Variants in CTNNA3 observed in about 807,000 individuals in gnomAD.
CTNNA3 encodes the protein catenin alpha-3.
Under a neutral mutation model 95.7 loss-of-function variants are expected in CTNNA3, and 76 were observed. The observed-to-expected ratio is 0.79, with a 90% CI of 0.66 to 0.96. The LOEUF (loss-of-function observed/expected upper bound fraction) is 0.96. Ranked by LOEUF, CTNNA3 falls within the 40% of genes least tolerant of loss-of-function variation. The pLI is 0.00. For synonymous variants in CTNNA3, 431 were observed against 374.4 expected (o/e 1.15, Z -1.74); for missense variants, 1,191 against 1,089.8 (o/e 1.09, Z -1.31).
intron 17 of CTNNA3, among the ~76,000 whole-genome samples, chr10:65,962,738 G>T (rs2077874882): frequency 1.3e-5 from 2 of 148,362 alleles, no homozygotes; most frequent in African/African-American, 5.0e-5. Flanking sequence ...CCCAGTGAGT[G>T]ATGTTCCCCT....
chr10:66,467,911 T>A (rs935691120), intron 11 of CTNNA3, among the ~76,000 whole-genome samples: 1 of 152,028 alleles, frequency 6.6e-6, no homozygotes, highest in African/African-American at 2.4e-5. Flanking sequence ...TTAGTCTCTG[T>A]TAATGTACAT....
intron 8 of CTNNA3, among the ~76,000 whole-genome samples, chr10:66,775,076 T>C (rs1247921343): frequency 6.6e-6 from 1 of 152,182 alleles, no homozygotes; most frequent in African/African-American, 2.4e-5. Context: ...AAACTTGCTA[T>C]GGGTCAGGCA....
At chr10:67,589,963 C>T (rs895860937) in intron 3 of CTNNA3, among the ~76,000 whole-genome samples, 3 of 152,048 alleles carry the variant, frequency 2.0e-5, no homozygotes, top group South Asian at 2.1e-4. Context: ...TTCTGAAAGA[C>T]AACTCATGAT....
Position 66,364,979 on chromosome 10 carries a change from G to A in CTNNA3, c.1732+14173C>T, listed in dbSNP as rs553820966. On this transcript the variant is annotated intron_variant, in intron 12 of 17. Coordinates refer to ENST00000433211, the MANE Select transcript of CTNNA3 (RefSeq NM_013266.4). ...TAATCAACTCTATTAAGGATCCCTG[G>A]TAAGATGTGCATTGTATTATTCATC... Among the ~76,000 whole-genome samples the A allele has an allele frequency of 1.6e-4, 25 of 152,242 alleles. 1 individual carries two copies. Among genetic ancestry groups the A allele is most frequent in the African/African-American group, 6.0e-4 (25 of 41,540 alleles).
chr10:66,446,592 G>C (rs960938963), intron 11 of CTNNA3, among the ~76,000 whole-genome samples: 7 of 151,968 alleles, frequency 4.6e-5, no homozygotes, highest in Admixed American at 3.9e-4. Context: ...TATCTCAATA[G>C]ATGCAGAAAA....
rs541209576 is a variant in CTNNA3, at chr10:67,240,905, C to T, written c.580-21035G>A. ...ATGTTCATTTCCTGTTCATCTGAAG[C>T]AAATACAATATGTATTACATTTGTC... On this transcript the variant is annotated intron_variant, in intron 5 of 17. Transcript: ENST00000433211. Among the ~76,000 whole-genome samples the T allele has an allele frequency of 1.4e-4, 22 of 152,158 alleles. No individual in the cohort carries two copies. The South Asian group carries it at 4.4e-3, about 30-fold the overall frequency.
At chr10:67,081,986 C>T (rs959013050) in intron 7 of CTNNA3, among the ~76,000 whole-genome samples, 1 of 152,186 alleles carries the variant, frequency 6.6e-6, no homozygotes, top group Non-Finnish European at 1.5e-5. Flanking sequence ...ATTACCAGCA[C>T]ATAACACAGT....
At chr10:66,314,776 T>C (rs1450747551) in intron 12 of CTNNA3, among the ~76,000 whole-genome samples, 1 of 152,056 alleles carries the variant, frequency 6.6e-6, no homozygotes, top group African/African-American at 2.4e-5. Flanking sequence ...TTGAACACAA[T>C]ACTTATAAAT....
At chr10:66,845,731 T>TAAAAAAAAAAAAA (rs1304034179) in intron 7 of CTNNA3, among the ~76,000 whole-genome samples, 22 of 35,896 alleles carry the variant, frequency 6.1e-4, no homozygotes, top group Non-Finnish European at 1.0e-3. Context: ...AAAAAAAAAC[T>TAAAAAAAAAAAAA]AAAAAGGTGA....
In CTNNA3 at chr10:67,625,523, T is replaced by G. The variant is rs550633697; in HGVS notation, c.100-18474A>C. Among the ~76,000 whole-genome samples, 5 of 152,332 alleles carry G rather than the reference T, an allele frequency of 3.3e-5. No homozygotes were observed. The South Asian group carries it at 1.0e-3, about 32-fold the overall frequency. On this transcript the variant is annotated intron_variant, in intron 2 of 17. Transcript: ENST00000433211. ...TCTGAGACTCCATGAAAATGGCTCA[T>G]TAACTTGAGTCATTTATGGAATAAA... is the stretch of plus-strand genomic sequence containing the variant.
intron 1 of CTNNA3, among the ~76,000 whole-genome samples, chr10:67,673,367 A>G (rs1275794105): frequency 8.9e-5 from 13 of 146,308 alleles, no homozygotes; most frequent in African/African-American, 1.8e-4. Context: ...TCTCCTGCCT[A>G]ATTGCCCTGG....
chr10:65,992,713 G>A (rs1033909229), intron 15 of CTNNA3, among the ~76,000 whole-genome samples: 10 of 151,526 alleles, frequency 6.6e-5, no homozygotes, highest in Admixed American at 3.3e-4. Flanking sequence ...TTGATCTTTC[G>A]TATTTTTTTA....
intron 7 of CTNNA3, among the ~76,000 whole-genome samples, chr10:67,001,764 C>G (rs753812747): frequency 6.6e-6 from 1 of 152,162 alleles, no homozygotes; most frequent in African/African-American, 2.4e-5. Flanking sequence ...CACACTCACA[C>G]TATCTCAAAG....
At chr10:65,969,753 T>C (rs2078056123) in intron 16 of CTNNA3, among the ~76,000 whole-genome samples, 2 of 152,060 alleles carry the variant, frequency 1.3e-5, no homozygotes, top group South Asian at 2.1e-4. Flanking sequence ...ATAAACAAAG[T>C]CTTTGAGAGA....
chr10:66,420,483 G>A (rs1042917913), intron 11 of CTNNA3, among the ~76,000 whole-genome samples: 1 of 152,082 alleles, frequency 6.6e-6, no homozygotes, highest in African/African-American at 2.4e-5. Flanking sequence ...TGGTGGGAAT[G>A]TAAATTAGTA....
chr10:66,737,138 T>C (rs547890701), intron 9 of CTNNA3, among the ~76,000 whole-genome samples: 1 of 151,888 alleles, frequency 6.6e-6, no homozygotes, highest in South Asian at 2.1e-4. Flanking sequence ...TACAAAAACA[T>C]TGGCCTGTGC....
chr10:66,912,977 T>C (rs765277115), intron 7 of CTNNA3, among the ~76,000 whole-genome samples: 3 of 151,802 alleles, frequency 2.0e-5, no homozygotes, highest in Admixed American at 6.6e-5. Flanking sequence ...CGGTGGCTCA[T>C]GCCTGTAATC....
intron 7 of CTNNA3, among the ~76,000 whole-genome samples, chr10:66,899,604 A>G (rs1346286459): frequency 1.3e-5 from 2 of 152,086 alleles, no homozygotes; most frequent in African/African-American, 4.8e-5. Flanking sequence ...TAGACAAGGG[A>G]AGCCATGACA....
intron 14 of CTNNA3, among the ~76,000 whole-genome samples, chr10:66,087,670 T>A (rs1182912786): frequency 6.6e-6 from 1 of 152,184 alleles, no homozygotes; most frequent in Non-Finnish European, 1.5e-5. Context: ...CAGTCATTTT[T>A]AACAATAATC....
Sources: allele counts gnomAD v4.1 joint callset (sites outside exome capture counted in the v4.1 genomes callset), GRCh38; gene constraint gnomAD v4.1.1; transcripts MANE v1.5; gene names NCBI Gene and HGNC (gene_info 2026-07-23, HGNC 2026-07-21).